Variants in TTC4 observed in about 807,000 individuals in gnomAD.
TTC4 encodes the protein hsp70/Hsp90 co-chaperone CNS1 homolog.
A neutral mutation model predicts 51.9 loss-of-function variants in TTC4; 36 were observed. That is an observed-to-expected ratio of 0.69 (90% confidence interval 0.53 to 0.92). The LOEUF is 0.92. TTC4 is among the 40% of genes least tolerant of loss of function. TTC4 has a pLI of 0.00. For missense variants in TTC4, 399 were observed against 454.6 expected (o/e 0.88, Z 1.11); for synonymous variants, 144 against 164.2 (o/e 0.88, Z 0.94).
In TTC4 at chr1:54,741,405, C is replaced by T. The variant is rs79770716; in HGVS notation, c.1062-6C>T. The stretch of plus-strand genomic sequence containing the variant: ...AACACCCTCTCTTTTGTTGTGTTCA[C>T]GGCAGGTACTTTGTAAAAGCCCTGA... On this transcript the variant is annotated splice_polypyrimidine_tract_variant and splice_region_variant and intron_variant, in intron 9 of 9. Coordinates refer to ENST00000371281, the MANE Select transcript of TTC4 (RefSeq NM_004623.5). 1,109 of 1,610,994 alleles carry T rather than the reference C, an allele frequency of 6.9e-4. 8 individuals carry two copies. In the African/African-American group the frequency reaches 0.013, roughly 19 times the overall value.
chr1:54,737,671 C>T lies in TTC4; in HGVS notation c.1061+7C>T. 6.2e-7 allele frequency: 1 copy of T among 1,611,796 alleles called. No individual in the cohort carries two copies. Among genetic ancestry groups the T allele is most frequent in the Non-Finnish European group, 8.5e-7 (1 of 1,179,732 alleles). On this transcript the variant is annotated splice_region_variant and intron_variant, in intron 9 of 9. Coordinates refer to ENST00000371281, the MANE Select transcript of TTC4 (RefSeq NM_004623.5). Reference sequence around the variant, plus strand: ...AGGTTCTACAGCACCAGAGGTGAGTCATCTCATGGCGCTGAGTAGATTGGG... The same window carrying T: ...AGGTTCTACAGCACCAGAGGTGAGTTATCTCATGGCGCTGAGTAGATTGGG...
chr1:54,734,537 C>A (rs1306579630), intron 8 of TTC4, among the ~76,000 whole-genome samples: 1 of 151,678 alleles, frequency 6.6e-6, no homozygotes, highest in East Asian at 1.9e-4. Flanking sequence ...CAGGCATGTG[C>A]CACCAAGCCT....
chr1:54,737,386 G>A (rs943919722), intron 8 of TTC4, 196 bp from the exon 9 acceptor site: 67 of 542,454 alleles, frequency 1.2e-4, no homozygotes, highest in Non-Finnish European at 8.6e-5. Context: ...GTCTTTGGAA[G>A]ATGGAACTGA....
In TTC4 at chr1:54,715,964, A is replaced by C. The variant is rs769981045; in HGVS notation, c.56A>C (p.Glu19Ala). 1.9e-6 allele frequency: 3 copies of C among 1,606,498 alleles called. No homozygotes were observed. The highest frequency in any genetic ancestry group is 2.5e-6 in the Non-Finnish European group (3 of 1,176,570). Residue 19 changes from glutamate to alanine, a missense_variant, in exon 1 of 10, where the codon GAA (glutamate) becomes GCA (alanine). Physicochemically the swap from Glu to Ala is moderately radical, Grantham distance 107 (BLOSUM62 -1). This residue lies in a region of TTC4 where 316 missense variants were observed against 349.6 expected (regional missense o/e 0.90). Transcript: ENST00000371281. ...TSDDVMDSFL[E>A]KFQSQPYRGG... The stretch of plus-strand genomic sequence containing the variant: ...GACGACGTCATGGACTCGTTCCTGG[A>C]AAAGTTCCAGAGCCAGCCTTACCGT...
Position 54,716,666 on chromosome 1 carries a change from G to C in TTC4, c.178G>C (p.Asp60His). The C allele has an allele frequency of 6.2e-7, 1 of 1,613,796 alleles. No homozygotes were observed. The highest frequency in any genetic ancestry group is 8.5e-7 in the Non-Finnish European group (1 of 1,179,992). ...AGAAATTGATCCCAGGGAGAATCCT[G>C]ACTTGGCTTGTCTCCAGTCAATTAT... Reference protein sequence around the residue: ...PSEIDPRENPDLACLQSIIFD... With the variant: ...PSEIDPRENPHLACLQSIIFD... Residue 60 changes from aspartate to histidine, a missense_variant, in exon 2 of 10, where the codon GAC (aspartate) becomes CAC (histidine). Physicochemically the swap from Asp to His is moderately conservative, Grantham distance 81 (BLOSUM62 -1). Around this residue, in one of 3 missense-constraint regions of TTC4, gnomAD observed 316 missense variants for 349.6 expected, o/e 0.90. Transcript: ENST00000371281.
intron 4 of TTC4, among the ~76,000 whole-genome samples, chr1:54,721,504 T>A (rs1645743036): frequency 6.6e-6 from 1 of 152,008 alleles, no homozygotes; most frequent in African/African-American, 2.4e-5. Context: ...CATATTCTGA[T>A]TTTTTTTCCA....
chr1:54,716,269 C>T (rs1022677640), intron 1 of TTC4: 4 of 540,494 alleles, frequency 7.4e-6, no homozygotes, highest in South Asian at 7.2e-5. Flanking sequence ...CTTAACTTCT[C>T]AGAGTCCGTT....
At chr1:54,719,540 T>A (rs532746914) in intron 3 of TTC4, among the ~76,000 whole-genome samples, 4 of 152,346 alleles carry the variant, frequency 2.6e-5, no homozygotes, top group Admixed American at 1.3e-4. Context: ...CCCTTTCATG[T>A]GCATTTTTTT....
Position 54,738,852 on chromosome 1 carries a change from G to A in TTC4, c.1061+1188G>A, listed in dbSNP as rs563932116. 1.6e-4 allele frequency among the ~76,000 whole-genome samples: 24 copies of A among 151,748 alleles called. No homozygotes were observed. The South Asian group carries it at 2.9e-3, about 18-fold the overall frequency. Reference sequence around the variant, plus strand: ...TAATTTTTGTATTTTTAGTAGAGACGGGGTTTCACCATGTTGTCCAGGCTG... The same window carrying A: ...TAATTTTTGTATTTTTAGTAGAGACAGGGTTTCACCATGTTGTCCAGGCTG... On this transcript the variant is annotated intron_variant, in intron 9 of 9. Coordinates refer to ENST00000371281, the MANE Select transcript of TTC4 (RefSeq NM_004623.5).
chr1:54,736,175 G>GGAGAGAGAGAGAGAGAGA (rs11292044), intron 8 of TTC4, among the ~76,000 whole-genome samples: 17 of 100,720 alleles, frequency 1.7e-4, no homozygotes, highest in Admixed American at 3.1e-4. Context: ...AAGAAAGAAA[G>GGAGAGAGAGAGAGAGAGA]GAGAGAGAGA....
chr1:54,733,741 G>C, intron 8 of TTC4, 31 bp downstream of exon 8: 1 of 1,090,902 alleles, frequency 9.2e-7, no homozygotes. Context: ...TTCCTCTATG[G>C]AATTAATTTT....
At chr1:54,729,494 C>G (rs561337832) in intron 6 of TTC4, among the ~76,000 whole-genome samples, 1 of 152,136 alleles carries the variant, frequency 6.6e-6, no homozygotes, top group Non-Finnish European at 1.5e-5. Flanking sequence ...CGGGTCCTTG[C>G]TCTTAACCAC....
intron 3 of TTC4, 110 bp downstream of exon 3, chr1:54,717,763 G>T: frequency 9.6e-7 from 1 of 1,040,508 alleles, no homozygotes; most frequent in Non-Finnish European, 1.3e-6. Flanking sequence ...CAGAAACCCA[G>T]ACTAAGGATA....
intron 8 of TTC4, among the ~76,000 whole-genome samples, chr1:54,736,175 GGAGAGAGAGAGAGAGAGAGAGAGA>G (rs11292044): frequency 2.4e-4 from 24 of 100,720 alleles, no homozygotes; most frequent in African/African-American, 6.3e-4. Context: ...AAGAAAGAAA[GGAGAGAGAGAGAGAGAGAGAGAGA>G]GAGAGAGAGA....
Position 54,737,666 on chromosome 1 carries a change from T to C in TTC4, c.1061+2T>C, listed in dbSNP as rs759503382. The C allele has an allele frequency of 1.2e-6, 2 of 1,612,030 alleles. No individual in the cohort carries two copies. The highest frequency in any genetic ancestry group is 1.7e-6 in the Non-Finnish European group (2 of 1,179,876). ...GCTACAGGTTCTACAGCACCAGAGG[T>C]GAGTCATCTCATGGCGCTGAGTAGA... On this transcript the variant is annotated splice_donor_variant, in intron 9 of 9. Transcript: ENST00000371281. LOFTEE classifies it high-confidence loss of function.
At chr1:54,721,035 C>A (rs1645737760) in intron 3 of TTC4, 128 bp from the exon 4 acceptor site, 2 of 843,964 alleles carry the variant, frequency 2.4e-6, no homozygotes, top group South Asian at 1.8e-5. Flanking sequence ...CATATTTTTT[C>A]AAAAAAACAG....
chr1:54,741,482 TCCGGGGGAGAAAGGTGTA>T lies in TTC4; in HGVS notation c.1136_1153del (p.Arg379_Tyr384del). On this transcript the variant is annotated inframe_deletion, in exon 10 of 10. Transcript: ENST00000371281. ...TCCTCTCCTTTTTGCAAGAATTTTC[TCCGGGGGAGAAAGGTGTA>T]CCAGATACGATGACTAAGCCAGGGC... The T allele has an allele frequency of 6.2e-7, 1 of 1,614,166 alleles. No homozygotes were observed. Among genetic ancestry groups the T allele is most frequent in the Non-Finnish European group, 8.5e-7 (1 of 1,180,028 alleles).
chr1:54,730,247 A>G (rs11804079), intron 6 of TTC4, among the ~76,000 whole-genome samples: 17,721 of 150,228 alleles, frequency 0.12, 1,732 homozygotes, highest in African/African-American at 0.26. Context: ...GTAGAATATG[A>G]GATGCCCAGA....
chr1:54,717,705 A>G (rs907750705), intron 3 of TTC4, 52 bp downstream of exon 3: 3 of 1,442,114 alleles, frequency 2.1e-6, no homozygotes, highest in East Asian at 2.5e-5. Flanking sequence ...AGCCATTATG[A>G]TGGTTAGTGG....
Sources: gnomAD v4.1 joint callset for allele counts (sites outside exome capture counted in the v4.1 genomes callset) on GRCh38, gnomAD v4.1.1 for gene constraint, gnomAD v4.1.1 regional missense constraint, MANE v1.5 for transcripts, NCBI Gene and HGNC (gene_info 2026-07-23, HGNC 2026-07-21) for gene names.